The following AUTS2 variants were observed in gnomAD, a reference collection of about 807,000 sequenced individuals.
AUTS2 encodes the protein autism susceptibility gene 2 protein.
A neutral mutation model predicts 112.4 loss-of-function variants in AUTS2; 17 were observed. The ratio of observed to expected loss-of-function variants is 0.15; its 90% CI spans 0.10 to 0.23. The LOEUF is 0.23. Ranked by LOEUF, AUTS2 falls within the 10% of genes least tolerant of loss-of-function variation. AUTS2 has a pLI of 1.00. For synonymous variants in AUTS2, 751 were observed against 702.7 expected (o/e 1.07, Z -1.09); for missense variants, 1,510 against 1,701.6 (o/e 0.89, Z 1.98).
At chr7:70,149,294 A>C (rs1028074265) in intron 4 of AUTS2, among the ~76,000 whole-genome samples, 1 of 152,098 alleles carries the variant, frequency 6.6e-6, no homozygotes, top group Non-Finnish European at 1.5e-5. Context: ...TTTAGGAGAT[A>C]ACTGTAAGCG....
intron 4 of AUTS2, among the ~76,000 whole-genome samples, chr7:70,331,693 A>G (rs756139675): frequency 4.6e-5 from 7 of 152,232 alleles, no homozygotes; most frequent in East Asian, 1.9e-4. Context: ...ATAATCGATC[A>G]TATAAACAGA....
At chr7:69,875,165 G>A (rs990535442) in intron 1 of AUTS2, among the ~76,000 whole-genome samples, 2 of 151,110 alleles carry the variant, frequency 1.3e-5, no homozygotes, top group African/African-American at 4.9e-5. Context: ...TTAAACCATT[G>A]CACTTGACTG....
chr7:70,713,660 C>T (rs542943164), intron 6 of AUTS2, among the ~76,000 whole-genome samples: 9 of 152,116 alleles, frequency 5.9e-5, no homozygotes, highest in East Asian at 1.9e-4. Flanking sequence ...TTTGGGAGGC[C>T]GAGGCAGGCG....
At chr7:69,929,116 G>A (rs1796137136) in intron 2 of AUTS2, among the ~76,000 whole-genome samples, 1 of 152,020 alleles carries the variant, frequency 6.6e-6, no homozygotes, top group African/African-American at 2.4e-5. Context: ...CTTTGCCTTT[G>A]TTTTCAAAAT....
chr7:70,790,560 C>T lies in AUTS2; in HGVS notation c.3344C>T (p.Ser1115Phe), dbSNP rs751130860. 2 of 1,603,678 alleles carry T rather than the reference C, an allele frequency of 1.2e-6. No homozygotes were observed. The highest frequency in any genetic ancestry group is 3.4e-5 in the Admixed American group (2 of 58,440). The change falls in exon 19 of 19, where the codon TCC becomes TTC. Residue 1115 changes from serine to phenylalanine, a missense_variant. This residue lies in a region of AUTS2 where 788 missense variants were observed against 797.6 expected (regional missense o/e 0.99). Transcript: ENST00000342771. This position sits in a 1 kb window ranked among gnomAD's most constrained non-coding sequence, Gnocchi z 7.6. The stretch of plus-strand genomic sequence containing the variant: ...CCCCGGCTGTACGAAGCCGACCGCT[C>T]CTTCAGGGACCGGGAGCCTCACGAC... ...STPRLYEADR[S>F]FRDREPHDYS...
intron 1 of AUTS2, among the ~76,000 whole-genome samples, chr7:69,773,531 C>A (rs1221664657): frequency 6.7e-6 from 1 of 149,926 alleles, no homozygotes; most frequent in Admixed American, 6.6e-5. Context: ...GGGTGGGCTA[C>A]AACAGAAAGG....
intron 5 of AUTS2, among the ~76,000 whole-genome samples, chr7:70,451,122 C>T (rs1796512350): frequency 6.6e-6 from 1 of 152,084 alleles, no homozygotes. Flanking sequence ...AGTGGGAGGC[C>T]AGCCAGAACA....
At chr7:69,619,518 G>A (rs1342450112) in intron 1 of AUTS2, among the ~76,000 whole-genome samples, 1 of 152,148 alleles carries the variant, frequency 6.6e-6, no homozygotes, top group African/African-American at 2.4e-5. Flanking sequence ...AGTGAAATAT[G>A]TGGTAAGATG....
intron 2 of AUTS2, among the ~76,000 whole-genome samples, chr7:70,062,292 C>T (rs1011365442): frequency 6.6e-6 from 1 of 151,660 alleles, no homozygotes; most frequent in Non-Finnish European, 1.5e-5. Flanking sequence ...GGGCGGATCA[C>T]GAGGTCAAGA....
chr7:69,675,507 T>TTTG (rs1258608059), intron 1 of AUTS2, among the ~76,000 whole-genome samples: 2 of 137,018 alleles, frequency 1.5e-5, no homozygotes, highest in African/African-American at 5.9e-5. Context: ...GGCTGAGGGT[T>TTTG]TTTTTTTTTT....
intron 1 of AUTS2, among the ~76,000 whole-genome samples, chr7:69,615,162 C>T (rs1303008125): frequency 6.6e-6 from 1 of 152,086 alleles, no homozygotes; most frequent in Non-Finnish European, 1.5e-5. Context: ...CTTCCTTGCC[C>T]CTCTGGTGGT....
intron 1 of AUTS2, among the ~76,000 whole-genome samples, chr7:69,735,152 G>A (rs1010279338): frequency 5.0e-4 from 76 of 152,094 alleles, no homozygotes; most frequent in African/African-American, 1.8e-3. Context: ...TAAACAGAGC[G>A]TTTTTTCATA....
At chr7:69,640,310 C>T (rs1794746593) in intron 1 of AUTS2, among the ~76,000 whole-genome samples, 1 of 152,212 alleles carries the variant, frequency 6.6e-6, no homozygotes, top group Admixed American at 6.5e-5. Flanking sequence ...TTGATCTCCC[C>T]AGCCGGGGAT....
chr7:69,628,274 TCA>T (rs1726224522), intron 1 of AUTS2, among the ~76,000 whole-genome samples: 1 of 152,224 alleles, frequency 6.6e-6, no homozygotes. Flanking sequence ...TAATTTAGAC[TCA>T]CAGAGAGAGG....
chr7:69,824,646 C>T (rs896891511), intron 1 of AUTS2: 3 of 152,082 alleles, frequency 2.0e-5, no homozygotes, highest in East Asian at 3.9e-4. Context: ...GGAGTGTCTG[C>T]GTTTCCTTTC....
chr7:69,920,300 A>AT lies in AUTS2; in HGVS notation c.522+20811dup, dbSNP rs956629320. Among the ~76,000 whole-genome samples the AT allele has an allele frequency of 1.4e-3, 206 of 147,896 alleles. 1 individual carries two copies. The highest frequency in any genetic ancestry group is 3.2e-3 in the African/African-American group (128 of 40,178). On this transcript the variant is annotated intron_variant, in intron 2 of 18. Transcript: ENST00000342771. ...CCTGTCCTCTCTCTTTCTTTCTTTT[A>AT]TTTTTTTTTAGAGAGGGGGTCTTGC...
chr7:69,681,140 TATCTCCTTATCCTGTG>T (rs1266165825), intron 1 of AUTS2, among the ~76,000 whole-genome samples: 2 of 152,270 alleles, frequency 1.3e-5, no homozygotes, highest in Non-Finnish European at 2.9e-5. Flanking sequence ...CACATTTGTT[TATCTCCTTATCCTGTG>T]ATGGACATTT....
intron 5 of AUTS2, among the ~76,000 whole-genome samples, chr7:70,695,245 C>T (rs1425885862): frequency 6.6e-6 from 1 of 152,178 alleles, no homozygotes; most frequent in Admixed American, 6.5e-5. Context: ...GCCCTGTCGC[C>T]CGCCTTTGTA....
chr7:70,703,478 G>A (rs1809567797), intron 6 of AUTS2, among the ~76,000 whole-genome samples: 1 of 104,548 alleles, frequency 9.6e-6, no homozygotes, highest in Non-Finnish European at 1.7e-5. Context: ...GCGACAGAGT[G>A]AGACACCATT....
Sources: gnomAD v4.1 joint callset for allele counts (sites outside exome capture counted in the v4.1 genomes callset) on GRCh38, gnomAD v4.1.1 for gene constraint, gnomAD v4.1.1 regional missense constraint, Gnocchi (gnomAD v3.1) non-coding constraint, MANE v1.5 for transcripts, NCBI Gene and HGNC (gene_info 2026-07-23, HGNC 2026-07-21) for gene names.